Variants in NAA60 observed in about 807,000 individuals in gnomAD.
The protein encoded by NAA60 is N-alpha-acetyltransferase 60.
A neutral mutation model predicts 26.1 loss-of-function variants in NAA60; 8 were observed. The ratio of observed to expected loss-of-function variants is 0.31; its 90% confidence interval spans 0.18 to 0.55. The LOEUF (loss-of-function observed/expected upper bound fraction) is 0.55. Among genes scored for constraint, NAA60 ranks in the 20% least tolerant of loss-of-function variants. NAA60 has a pLI of 0.93. For missense variants in NAA60, 290 were observed against 311.3 expected, an observed-to-expected ratio of 0.93 and a Z score of 0.51; for synonymous variants, 131 against 122.5, an observed-to-expected ratio of 1.07 and a Z score of -0.46.
At chr16:3,463,714 A>C (rs1021108057) in intron 2 of NAA60, among the ~76,000 whole-genome samples, 4 of 152,000 alleles carry the variant, frequency 2.6e-5, no homozygotes, top group South Asian at 2.1e-4. Context: ...AAAAAAAAAA[A>C]AAAAATTCAA....
chr16:3,464,771 C>T (rs1398843713), intron 2 of NAA60, among the ~76,000 whole-genome samples: 1 of 152,334 alleles, frequency 6.6e-6, no homozygotes, highest in African/African-American at 2.4e-5. Flanking sequence ...TTCACTCAAT[C>T]TGAGTTAGGA....
At chr16:3,469,998 T>G (rs995119229) in intron 2 of NAA60, among the ~76,000 whole-genome samples, 3 of 152,186 alleles carry the variant, frequency 2.0e-5, no homozygotes, top group Non-Finnish European at 4.4e-5. Flanking sequence ...CCGGGCCTGC[T>G]GGGGCTGCCC....
chr16:3,482,860 G>T, intron 5 of NAA60: 1 of 553,376 alleles, frequency 1.8e-6, no homozygotes, highest in Non-Finnish European at 3.3e-6. Flanking sequence ...CCCCCAGGAT[G>T]GAGCTGAGGA....
intron 2 of NAA60, among the ~76,000 whole-genome samples, chr16:3,464,510 AGCTGCTGTGTCCATCTCGCCC>A (rs1311587455): frequency 1.3e-5 from 2 of 152,138 alleles, no homozygotes; most frequent in African/African-American, 4.8e-5. Context: ...TAAACTGAGG[AGCTGCTGTGTCCATCTCGCCC>A]GCTGCTTCCT....
At chr16:3,448,571 A>C (rs1440677941) in intron 2 of NAA60, 31 bp downstream of exon 2, 1 of 1,517,114 alleles carries the variant, frequency 6.6e-7, no homozygotes, top group Non-Finnish European at 8.8e-7. Flanking sequence ...TCCTGCTATT[A>C]ATGATGCCCT....
At chr16:3,482,461 C>G (rs1189393090) in intron 4 of NAA60, 41 bp from the exon 5 acceptor site, 1 of 1,504,020 alleles carries the variant, frequency 6.6e-7, no homozygotes, top group South Asian at 1.2e-5. Flanking sequence ...AGCCGTGCAC[C>G]AGACGTGTGA....
At chr16:3,467,635 C>G (rs1690441) in intron 2 of NAA60, 22,311 of 152,164 alleles carry the variant, frequency 0.15, 1,921 homozygotes, top group Non-Finnish European at 0.2. Context: ...TGTCAGGAAA[C>G]CCTTCTGGTA....
intron 3 of NAA60, among the ~76,000 whole-genome samples, chr16:3,476,712 G>A (rs2036506835): frequency 6.6e-6 from 1 of 151,596 alleles, no homozygotes; most frequent in African/African-American, 2.4e-5. Context: ...TATTCAGCCG[G>A]GAAAAAAAAA....
chr16:3,462,943 T>C (rs2035505635), intron 2 of NAA60, among the ~76,000 whole-genome samples: 1 of 152,222 alleles, frequency 6.6e-6, no homozygotes, highest in African/African-American at 2.4e-5. Context: ...TTTCTAAATA[T>C]TTTTTAAAAT....
At chr16:3,468,962 T>C (rs771034559) in intron 2 of NAA60, among the ~76,000 whole-genome samples, 5 of 152,082 alleles carry the variant, frequency 3.3e-5, no homozygotes, top group Non-Finnish European at 5.9e-5. Flanking sequence ...GGCACATGCC[T>C]GTAATCCCAG....
intron 2 of NAA60, among the ~76,000 whole-genome samples, chr16:3,450,430 G>C (rs1596284450): frequency 1.3e-5 from 2 of 152,224 alleles, no homozygotes; most frequent in South Asian, 4.1e-4. Context: ...GCTGGGCGCA[G>C]TGGCTCATGC....
intron 2 of NAA60, among the ~76,000 whole-genome samples, chr16:3,453,733 C>G (rs1368922623): frequency 2.0e-5 from 3 of 152,104 alleles, no homozygotes; most frequent in African/African-American, 7.2e-5. Context: ...AACCAACATT[C>G]TAGGCATTTT....
At chr16:3,482,650 C>A (rs577900109) in intron 5 of NAA60, 52 bp downstream of exon 5, 371 of 1,237,244 alleles carry the variant, frequency 3.0e-4, no homozygotes, top group Middle Eastern at 2.0e-3. Flanking sequence ...CCTTGCCCTA[C>A]CCCACCCCCA....
chr16:3,470,250 G>A (rs1041318031), intron 2 of NAA60, among the ~76,000 whole-genome samples: 3 of 152,334 alleles, frequency 2.0e-5, no homozygotes, highest in Admixed American at 2.0e-4. Context: ...GCCCCCAGCA[G>A]ACAATGCTGG....
Sources: gnomAD v4.1 joint callset for allele counts (sites outside exome capture counted in the v4.1 genomes callset) on GRCh38, gnomAD v4.1.1 for gene constraint, MANE v1.5 for transcripts, NCBI Gene and HGNC (gene_info 2026-07-23, HGNC 2026-07-21) for gene names.